Variants in SCHIP1 observed in about 807,000 individuals in gnomAD.
SCHIP1 encodes schwannomin interacting protein 1.
In SCHIP1, 8 loss-of-function variants were observed where a neutral mutation model predicts 29.7. The observed-to-expected ratio is 0.27, with a 90% CI of 0.16 to 0.49. The LOEUF is 0.49. SCHIP1 is among the 20% of genes least tolerant of loss of function. The pLI is 0.99. For missense variants in SCHIP1, 193 were observed against 294.6 expected (o/e 0.66, Z 2.52); for synonymous variants, 76 against 94.9 (o/e 0.80, Z 1.16).
At chr3:159,761,309 C>G in the SCHIP1 span, among the ~76,000 whole-genome samples, 5 of 152,270 alleles carry the variant, frequency 3.3e-5, no homozygotes, top group South Asian at 2.1e-4. Context: ...CTTGTACTTA[C>G]GTAGAATTGA....
intron 1 of SCHIP1, chr3:159,846,019 C>T (rs1711783472): frequency 1.3e-5 from 2 of 152,184 alleles, no homozygotes; most frequent in South Asian, 4.1e-4. Flanking sequence ...GATGCACAGA[C>T]ATTCCAGCCT....
At chr3:159,829,507 G>A in the SCHIP1 span, among the ~76,000 whole-genome samples, 2 of 152,190 alleles carry the variant, frequency 1.3e-5, no homozygotes, top group African/African-American at 4.8e-5. Flanking sequence ...GCTGTGGTAA[G>A]AAGAATATAA....
At chr3:159,350,447 A>G in the SCHIP1 span, among the ~76,000 whole-genome samples, 2 of 152,334 alleles carry the variant, frequency 1.3e-5, no homozygotes, top group African/African-American at 2.4e-5. Context: ...AATCGAGGCT[A>G]TTAAACTTGA....
the SCHIP1 span, among the ~76,000 whole-genome samples, chr3:159,694,249 C>CCTAACT: frequency 1.3e-5 from 2 of 151,948 alleles, no homozygotes; most frequent in African/African-American, 4.8e-5. Flanking sequence ...TAACCCTAAC[C>CCTAACT]CTAACCCTAA....
chr3:159,718,152 C>T, the SCHIP1 span, among the ~76,000 whole-genome samples: 2 of 152,154 alleles, frequency 1.3e-5, no homozygotes, highest in Non-Finnish European at 2.9e-5. Flanking sequence ...TCAATAGATG[C>T]AGAAAAGGCC....
the SCHIP1 span, among the ~76,000 whole-genome samples, chr3:159,804,027 GA>G: frequency 6.6e-6 from 1 of 152,214 alleles, no homozygotes; most frequent in South Asian, 2.1e-4. Context: ...TCACACCTTT[GA>G]AAAATAGTAC....
At chr3:159,872,999 A>G (rs1191495999) in intron 2 of SCHIP1, among the ~76,000 whole-genome samples, 1 of 152,206 alleles carries the variant, frequency 6.6e-6, no homozygotes, top group East Asian at 1.9e-4. Context: ...ACATAATAGT[A>G]TTTGAAAAAC....
At chr3:159,713,026 A>C in the SCHIP1 span, among the ~76,000 whole-genome samples, 3 of 151,568 alleles carry the variant, frequency 2.0e-5, no homozygotes, top group Non-Finnish European at 2.9e-5. Context: ...GTGGTGGTGC[A>C]TGCCTGTAAT....
At chr3:159,647,379 C>T in the SCHIP1 span, among the ~76,000 whole-genome samples, 1 of 151,994 alleles carries the variant, frequency 6.6e-6, no homozygotes, top group Non-Finnish European at 1.5e-5. Flanking sequence ...GACCCAAAGT[C>T]TCCAATACTC....
At chr3:159,808,490 G>A in the SCHIP1 span, 1 of 152,246 alleles carries the variant, frequency 6.6e-6, no homozygotes, top group Non-Finnish European at 1.5e-5. Flanking sequence ...TGACTTTTAA[G>A]ATAGATAGAG....
chr3:159,331,607 C>A, the SCHIP1 span, among the ~76,000 whole-genome samples: 1 of 152,144 alleles, frequency 6.6e-6, no homozygotes, highest in Non-Finnish European at 1.5e-5. Flanking sequence ...GCAGGAACCC[C>A]TCTCCATCCC....
At chr3:159,751,840 G>A in the SCHIP1 span, among the ~76,000 whole-genome samples, 5 of 152,138 alleles carry the variant, frequency 3.3e-5, no homozygotes, top group South Asian at 2.1e-4. Context: ...GAGACACCAC[G>A]CCCAGCCTCA....
chr3:159,337,736 C>G, the SCHIP1 span, among the ~76,000 whole-genome samples: 1 of 152,132 alleles, frequency 6.6e-6, no homozygotes, highest in African/African-American at 2.4e-5. Flanking sequence ...ACCAAGAAAT[C>G]TTTGAACATG....
the SCHIP1 span, among the ~76,000 whole-genome samples, chr3:159,823,836 C>G: frequency 6.6e-6 from 1 of 152,136 alleles, no homozygotes; most frequent in African/African-American, 2.4e-5. Flanking sequence ...CCCTAAAATT[C>G]TTAATGTTTT....
At chr3:159,818,811 C>G in the SCHIP1 span, among the ~76,000 whole-genome samples, 1 of 152,270 alleles carries the variant, frequency 6.6e-6, no homozygotes, top group East Asian at 1.9e-4. Flanking sequence ...CAGCATTTGG[C>G]TTTTGTAGAT....
At chr3:159,664,201 T>C in the SCHIP1 span, among the ~76,000 whole-genome samples, 1 of 152,162 alleles carries the variant, frequency 6.6e-6, no homozygotes, top group African/African-American at 2.4e-5. Context: ...ACAGTGCCCT[T>C]TCCCCAGAGG....
chr3:159,589,263 G>C, the SCHIP1 span, among the ~76,000 whole-genome samples: 4 of 152,172 alleles, frequency 2.6e-5, no homozygotes, highest in African/African-American at 9.7e-5. Context: ...TTGGCTGTTT[G>C]TCTGTTATTG....
chr3:159,581,173 A>G, the SCHIP1 span, among the ~76,000 whole-genome samples: 405 of 152,302 alleles, frequency 2.7e-3, 2 homozygotes, highest in African/African-American at 9.3e-3. Context: ...ATTCCTCTCT[A>G]TAAGTGCAAC....
the SCHIP1 span, among the ~76,000 whole-genome samples, chr3:159,565,735 C>T: frequency 6.6e-6 from 1 of 152,126 alleles, no homozygotes; most frequent in Non-Finnish European, 1.5e-5. Context: ...CTCTTAAATA[C>T]ATTTTTTCTT....
Sources: allele counts gnomAD v4.1 joint callset (sites outside exome capture counted in the v4.1 genomes callset), GRCh38; gene constraint gnomAD v4.1.1; transcripts MANE v1.5; gene names NCBI Gene and HGNC (gene_info 2026-07-23, HGNC 2026-07-21).